Variants in CDH26 observed in about 807,000 individuals in gnomAD.
CDH26 encodes cadherin-like protein 26.
CDH26 carries 83 observed loss-of-function variants against 90.3 expected under a neutral mutation model. That is an observed-to-expected ratio of 0.92 (90% CI 0.77 to 1.10). The LOEUF (loss-of-function observed/expected upper bound fraction) is 1.10. CDH26 is among the 50% of genes least tolerant of loss of function. The pLI, the probability that CDH26 is intolerant of heterozygous loss-of-function variation, is 0.00. For synonymous variants in CDH26, 397 were observed against 396.3 expected (o/e 1.00, Z -0.02); for missense variants, 1,013 against 1,037.6 (o/e 0.98, Z 0.33).
exon 9 of CDH26, chr20:60,033,715 C>T (rs921506059): frequency 1.9e-5 from 24 of 1,267,096 alleles, no homozygotes; most frequent in East Asian, 1.2e-4. Flanking sequence ...CTGCTGTTGG[C>T]GGTGAGGGCC....
intron 13 of CDH26, 121 bp from the exon 14 acceptor site, chr20:59,999,465 T>G (rs2061646139): frequency 1.3e-6 from 1 of 750,298 alleles, no homozygotes; most frequent in Non-Finnish European, 2.2e-6. Flanking sequence ...CAGTCTGGAC[T>G]TCTTCTGTGA....
chr20:59,995,529 C>T (rs1364201774), intron 11 of CDH26, among the ~76,000 whole-genome samples: 4 of 152,226 alleles, frequency 2.6e-5, no homozygotes, highest in Admixed American at 1.3e-4. Context: ...CTAGGTGCCT[C>T]TTTCCTTGTG....
chr20:59,991,957 AG>A (rs1278956967), intron 9 of CDH26, among the ~76,000 whole-genome samples: 1 of 152,190 alleles, frequency 6.6e-6, no homozygotes, highest in African/African-American at 2.4e-5. Context: ...GTGAACTGCC[AG>A]GGCTCTGCTG....
intron 7 of CDH26, among the ~76,000 whole-genome samples, chr20:59,987,234 T>G (rs2061470128): frequency 6.6e-6 from 1 of 152,168 alleles, no homozygotes; most frequent in Non-Finnish European, 1.5e-5. Context: ...GGGGCAGATA[T>G]TCCAACGGAT....
At chr20:60,004,722 C>T (rs1301053355) in intron 16 of CDH26, among the ~76,000 whole-genome samples, 20 of 145,986 alleles carry the variant, frequency 1.4e-4, no homozygotes, top group East Asian at 1.0e-3. Flanking sequence ...GCCAAGATCG[C>T]GCCACTGCAC....
chr20:59,989,551 A>AG (rs2061503327), intron 9 of CDH26, among the ~76,000 whole-genome samples: 1 of 151,638 alleles, frequency 6.6e-6, no homozygotes, highest in African/African-American at 2.4e-5. Flanking sequence ...AAAAAAAAAA[A>AG]AAGAAAAGAA....
intron 16 of CDH26, 140 bp from the exon 17 acceptor site, chr20:60,006,573 A>C: frequency 1.6e-6 from 1 of 620,928 alleles, no homozygotes; most frequent in South Asian, 2.0e-5. Flanking sequence ...ACGTGAGCAA[A>C]CTACCCTGGG....
intron 13 of CDH26, among the ~76,000 whole-genome samples, chr20:59,997,361 T>C (rs372818676): frequency 2.8e-4 from 43 of 152,260 alleles, no homozygotes; most frequent in African/African-American, 1.0e-3. Flanking sequence ...TGTTTCTGCT[T>C]TTGCATCTCA....
intron 17 of CDH26, among the ~76,000 whole-genome samples, chr20:60,012,038 C>T (rs1172113038): frequency 6.6e-6 from 1 of 152,050 alleles, no homozygotes; most frequent in Non-Finnish European, 1.5e-5. Flanking sequence ...TGGTGGCCGC[C>T]CTTTCTTGCA....
chr20:60,004,697 C>T (rs1009506605), intron 16 of CDH26, among the ~76,000 whole-genome samples: 12 of 142,354 alleles, frequency 8.4e-5, no homozygotes, highest in African/African-American at 2.6e-4. Context: ...ACCTGGGAGG[C>T]GGCGCTTGCA....
chr20:60,025,902 T>C (rs1485790244), intron 7 of CDH26, among the ~76,000 whole-genome samples: 1 of 152,224 alleles, frequency 6.6e-6, no homozygotes, highest in Non-Finnish European at 1.5e-5. Context: ...TAGGAGCTGC[T>C]TGCCCCTGAT....
rs202154892 is a variant in CDH26 at position 59,967,817 on chromosome 20, C to A, written c.70-1150C>A. Among the ~76,000 whole-genome samples the A allele has an allele frequency of 9.6e-3, 164 of 17,126 alleles. 1 individual carries two copies. Among genetic ancestry groups the A allele is most frequent in the South Asian group, 0.051 (17 of 336 alleles). The allele number at this position is 17,126 out of a possible 152,430, so 11.2% of individuals were successfully genotyped here. A position where few individuals can be genotyped will look rare whatever the true frequency, so the allele number is the denominator to read the frequency against. On this transcript the variant is annotated intron_variant, in intron 1 of 17. Coordinates refer to ENST00000348616, the MANE Select transcript of CDH26 (RefSeq NM_177980.4). Reference sequence around the variant, plus strand: ...CCCTCCCTCCCTCCCTCCCTCATTTCTTTCTTTCTTTCTTTCTTTCTTTCT... The same window carrying A: ...CCCTCCCTCCCTCCCTCCCTCATTTATTTCTTTCTTTCTTTCTTTCTTTCT...
intron 4 of CDH26, among the ~76,000 whole-genome samples, chr20:59,977,794 C>G (rs909214821): frequency 6.6e-6 from 1 of 152,058 alleles, no homozygotes; most frequent in Non-Finnish European, 1.5e-5. Context: ...TAACCAAAAC[C>G]CATAGTTTAC....
At chr20:59,963,360 T>C (rs1279381958) in intron 1 of CDH26, among the ~76,000 whole-genome samples, 2 of 150,882 alleles carry the variant, frequency 1.3e-5, no homozygotes, top group African/African-American at 2.4e-5. Context: ...ATGCGATCCT[T>C]CCACCTCAGC....
chr20:59,995,745 G>T (rs1312591540), intron 11 of CDH26, 88 bp from the exon 12 acceptor site: 5 of 1,201,440 alleles, frequency 4.2e-6, no homozygotes, highest in Non-Finnish European at 6.1e-6. Flanking sequence ...TACAGAGCTT[G>T]GCCCGTGCAG....
chr20:60,026,350 T>C (rs2061996826), intron 7 of CDH26, among the ~76,000 whole-genome samples: 1 of 151,456 alleles, frequency 6.6e-6, no homozygotes, highest in Non-Finnish European at 1.5e-5. Context: ...AGTGCAATTC[T>C]ATGAGCCCAC....
At chr20:60,034,566 C>G (rs1236893856), downstream of CDH26, among the ~76,000 whole-genome samples, 4 of 152,198 alleles carry the variant, frequency 2.6e-5, no homozygotes, top group African/African-American at 9.6e-5. Context: ...TAGGAGACTG[C>G]TTTCCAGAGG....
intron 1 of CDH26, among the ~76,000 whole-genome samples, chr20:59,964,984 A>G (rs2061127900): frequency 6.6e-6 from 1 of 152,226 alleles, no homozygotes; most frequent in Non-Finnish European, 1.5e-5. Context: ...TATCTTTTGC[A>G]AGAACTACAA....
chr20:59,983,916 GC>G (rs2061423653), intron 5 of CDH26, among the ~76,000 whole-genome samples: 1 of 152,062 alleles, frequency 6.6e-6, no homozygotes, highest in Non-Finnish European at 1.5e-5. Flanking sequence ...TTATGGATGT[GC>G]TTTAAAGTAT....
Sources: gnomAD v4.1 joint callset for allele counts (sites outside exome capture counted in the v4.1 genomes callset) on GRCh38, gnomAD v4.1.1 for gene constraint, MANE v1.5 for transcripts, NCBI Gene and HGNC (gene_info 2026-07-23, HGNC 2026-07-21) for gene names.